ATP12A: variants seen among roughly 807,000 people sequenced by gnomAD.
ATP12A encodes potassium-transporting ATPase alpha chain 2.
In ATP12A, 81 loss-of-function variants were observed where a neutral mutation model predicts 111.2. The ratio of observed to expected loss-of-function variants is 0.73; its 90% CI spans 0.61 to 0.88. The LOEUF (loss-of-function observed/expected upper bound fraction) is 0.88, where lower values mean the gene tolerates loss of function less well. Among genes scored for constraint, ATP12A ranks in the 40% least tolerant of loss-of-function variants. The pLI, the probability that ATP12A is intolerant of heterozygous loss-of-function variation, is 0.00. For synonymous variants in ATP12A, 498 were observed against 499.8 expected, an observed-to-expected ratio of 1.00 and a Z score of 0.05; for missense variants, 1,196 against 1,313.1, an observed-to-expected ratio of 0.91 and a Z score of 1.38.
At position 24,711,271 on chromosome 13, in the gene ATP12A, AT is replaced by A; in HGVS notation, c.3000-46del. 3 of 1,538,812 alleles carry A rather than the reference AT, an allele frequency of 1.9e-6. No homozygotes were observed. In the Middle Eastern group the frequency reaches 6.8e-4, roughly 350 times the overall value. On this transcript the variant is annotated intron_variant, in intron 21 of 22. Coordinates refer to ENST00000381946, the MANE Select transcript of ATP12A (RefSeq NM_001676.7). ...CATTCCCATTGGGCAGGGTTGGGCT[AT>A]CCCTGTGGATGAGTCAGGGTTCACT...
At position 24,689,324 on chromosome 13, in the gene ATP12A, A is replaced by G; in HGVS notation, c.495A>G (p.Gln165=). The G allele has an allele frequency of 6.2e-7, 1 of 1,614,084 alleles. No individual in the cohort carries two copies. The highest frequency in any genetic ancestry group is 2.2e-5 in the East Asian group (1 of 44,866). ...VILTGIFAYY[Q]EAKSTNIMSS... ...TAACGGGGATCTTTGCTTATTACCA[A>G]GAGGCAAAAAGCACCAACATCATGT... The change falls in exon 5 of 23, where the codon CAA becomes CAG. Residue 165 remains glutamine, a synonymous_variant. Coordinates refer to ENST00000381946, the MANE Select transcript of ATP12A (RefSeq NM_001676.7).
chr13:24,687,219 G>A (rs2137692208), intron 3 of ATP12A, among the ~76,000 whole-genome samples: 1 of 152,254 alleles, frequency 6.6e-6, no homozygotes. Flanking sequence ...ATAGCACTTT[G>A]GGAGGCCAAG....
rs748543831 is a variant in ATP12A at position 24,681,699 on chromosome 13, G to A, written c.147G>A (p.Glu49=). The change falls in exon 2 of 23, where the codon GAG becomes GAA. Residue 49 remains glutamate, a synonymous_variant. Coordinates refer to ENST00000381946, the MANE Select transcript of ATP12A (RefSeq NM_001676.7). ...LELKKKNHKE[E]FQKELHLDDH... The stretch of plus-strand genomic sequence containing the variant: ...TCAAAAAGAAAAATCACAAAGAGGA[G>A]TTTCAGAAAGAACTCCATCTGGTCA... 3 of 1,614,164 alleles carry A rather than the reference G, an allele frequency of 1.9e-6. No homozygotes were observed. In the South Asian group the frequency reaches 3.3e-5, roughly 18 times the overall value.
At chr13:24,696,103 T>G (rs1181293350) in intron 11 of ATP12A, among the ~76,000 whole-genome samples, 3 of 152,176 alleles carry the variant, frequency 2.0e-5, no homozygotes, top group African/African-American at 4.8e-5. Flanking sequence ...AGGATGAGTA[T>G]TATTATACTA....
In ATP12A at chr13:24,689,289, G is replaced by A. The variant is rs1174321376; in HGVS notation, c.460G>A (p.Val154Met). Reference sequence around the variant, plus strand: ...GTACTTGGGCTGTGTGCTTGGTCTGGTGGTCATTTTAACGGGGATCTTTGC... The same window carrying A: ...GTACTTGGGCTGTGTGCTTGGTCTGATGGTCATTTTAACGGGGATCTTTGC... Reference protein sequence around the residue: ...NVYLGCVLGLVVILTGIFAYY... With the variant: ...NVYLGCVLGLMVILTGIFAYY... Residue 154 changes from valine to methionine, a missense_variant, in exon 5 of 23, where the codon GTG (valine) becomes ATG (methionine). Val to Met is a conservative substitution (Grantham distance 21). Transcript: ENST00000381946. 6.2e-7 allele frequency: 1 copy of A among 1,614,076 alleles called. No homozygotes were observed. Among genetic ancestry groups the A allele is most frequent in the Non-Finnish European group, 8.5e-7 (1 of 1,179,994 alleles).
rs1874830411 is a variant in ATP12A, at chr13:24,690,391, G to T, written c.600G>T (p.Leu200=). 2 of 1,613,502 alleles carry T rather than the reference G, an allele frequency of 1.2e-6. No individual in the cohort carries two copies. Among genetic ancestry groups the T allele is most frequent in the East Asian group, 4.5e-5 (2 of 44,854 alleles). The change falls in exon 6 of 23, where the codon CTG becomes CTT. Residue 200 remains leucine, a synonymous_variant. Coordinates refer to ENST00000381946, the MANE Select transcript of ATP12A (RefSeq NM_001676.7). ...SEKKTIPSEQ[L]VVGDIVEVKG... ...AGAAGACCATCCCTTCAGAGCAGCT[G>T]GTGGTGGGGGACATTGTGGAGGTCA...
intron 1 of ATP12A, 115 bp downstream of exon 1, chr13:24,680,867 G>A (rs569593512): frequency 1.2e-4 from 164 of 1,370,900 alleles, no homozygotes; most frequent in Non-Finnish European, 1.5e-4. Context: ...GCCCCGTCCC[G>A]GGGCAAGGGG....
chr13:24,700,802 C>CA lies in ATP12A; in HGVS notation c.1762dup (p.Ile588AsnfsTer47). ...AGTTTCCAGAAACCTACTCATTTGA[C>CA]ATAGACGCTATGAACTTTCCGACCT... On this transcript the variant is annotated frameshift_variant, in exon 13 of 23. Transcript: ENST00000381946. LOFTEE classifies it high-confidence loss of function. 1 of 1,614,138 alleles carries CA rather than the reference C, an allele frequency of 6.2e-7. No individual in the cohort carries two copies. The highest frequency in any genetic ancestry group is 8.5e-7 in the Non-Finnish European group (1 of 1,180,040).
At chr13:24,707,473 C>G (rs773332621) in intron 17 of ATP12A, 40 bp downstream of exon 17, 1 of 1,611,630 alleles carries the variant, frequency 6.2e-7, no homozygotes, top group South Asian at 1.1e-5. Context: ...ATGCCTGCCC[C>G]AGGGGAGGTC....
chr13:24,681,508 AC>A, intron 1 of ATP12A, 53 bp from the exon 2 acceptor site: 1 of 1,583,762 alleles, frequency 6.3e-7, no homozygotes, highest in African/African-American at 1.4e-5. Flanking sequence ...GGCGCTCAGC[AC>A]CTCTTCGGAA....
At position 24,709,384 on chromosome 13, in the gene ATP12A, G is replaced by T; in HGVS notation, c.2514G>T (p.Ala838=). 2 of 1,613,384 alleles carry T rather than the reference G, an allele frequency of 1.2e-6. No homozygotes were observed. The highest frequency in any genetic ancestry group is 1.3e-5 in the African/African-American group (1 of 74,846). ...TCTAGATCCCCTCCATTGCCTTGGC[G>T]TACGAGAAAGCTGAAAGTGACATCA... ...GTDIIPSIAL[A]YEKAESDIMN... The change falls in exon 18 of 23, where the codon GCG becomes GCT. Residue 838 remains alanine, a synonymous_variant. Coordinates refer to ENST00000381946, the MANE Select transcript of ATP12A (RefSeq NM_001676.7).
In ATP12A at chr13:24,685,606, C is replaced by T. The variant is rs907988792; in HGVS notation, c.228+233C>T. 6.6e-5 allele frequency among the ~76,000 whole-genome samples: 10 copies of T among 152,132 alleles called. No individual in the cohort carries two copies. Among genetic ancestry groups the T allele is most frequent in the Non-Finnish European group, 1.3e-4 (9 of 68,016 alleles). Reference sequence around the variant, plus strand: ...GAGAGGGACCAAGAGGGACAGATGACCCCTGGCCTCAAGGAGAAAGTGGCC... The same window carrying T: ...GAGAGGGACCAAGAGGGACAGATGATCCCTGGCCTCAAGGAGAAAGTGGCC... On this transcript the variant is annotated intron_variant, in intron 3 of 22. Transcript: ENST00000381946. The surrounding 1 kb of genome is among the most constrained non-coding windows in gnomAD (Gnocchi z 5.5).
At chr13:24,692,264 TA>T (rs141605569) in intron 8 of ATP12A, among the ~76,000 whole-genome samples, 164 bp from the exon 9 acceptor site, 11,050 of 152,300 alleles carry the variant, frequency 0.073, 532 homozygotes, top group Middle Eastern at 0.12. Flanking sequence ...TGGCGGCGTA[TA>T]AGCCACCAGG....
intron 12 of ATP12A, among the ~76,000 whole-genome samples, chr13:24,700,146 A>T (rs147117979): frequency 3.9e-5 from 6 of 152,300 alleles, no homozygotes; most frequent in Non-Finnish European, 8.8e-5. Flanking sequence ...TCAGCCTATG[A>T]GAGGCTGATG....
rs576318179 is a variant in ATP12A at position 24,707,563 on chromosome 13, C to T, written c.2493+130C>T. 3.3e-6 allele frequency: 4 copies of T among 1,219,022 alleles called. No homozygotes were observed. The South Asian group carries it at 4.4e-5, about 13-fold the overall frequency. 75.5% of individuals were successfully genotyped at this position (1,219,022 alleles called of 1,614,324 possible). On this transcript the variant is annotated intron_variant, in intron 17 of 22. Transcript: ENST00000381946. ...AGCTTCCATGTGATGGGGCCTGTAG[C>T]TCTGCATTTCTCACAGGTTCTCAGG...
Position 24,685,872 on chromosome 13 carries a change from G to A in ATP12A, c.228+499G>A, listed in dbSNP as rs1407867545. Reference sequence around the variant, plus strand: ...GCTTGGAGAGAATCTGGGCTTGCCGGAAGCTAGTATGTGTGGAGAGGGGAC... The same window carrying A: ...GCTTGGAGAGAATCTGGGCTTGCCGAAAGCTAGTATGTGTGGAGAGGGGAC... On this transcript the variant is annotated intron_variant, in intron 3 of 22. Transcript: ENST00000381946. This position sits in a 1 kb window ranked among gnomAD's most constrained non-coding sequence, Gnocchi z 5.5. Among the ~76,000 whole-genome samples the A allele has an allele frequency of 2.0e-4, 31 of 152,220 alleles. No homozygotes were observed. The highest frequency in any genetic ancestry group is 2.0e-3 in the Admixed American group (31 of 15,290).
chr13:24,705,702 C>G (rs1875598024), intron 14 of ATP12A, among the ~76,000 whole-genome samples: 1 of 152,132 alleles, frequency 6.6e-6, no homozygotes, highest in Admixed American at 6.5e-5. Context: ...CAGGGTCTCA[C>G]TTTGTCACCC....
chr13:24,696,685 G>A lies in ATP12A; in HGVS notation c.1513-1973G>A, dbSNP rs1180761322. Among the ~76,000 whole-genome samples, 6 of 112,516 alleles carry A rather than the reference G, an allele frequency of 5.3e-5. 1 individual carries two copies. The highest frequency in any genetic ancestry group is 1.9e-4 in the African/African-American group (6 of 31,982). 73.8% of individuals were successfully genotyped at this position (112,516 alleles called of 152,430 possible). A position where few individuals can be genotyped will look rare whatever the true frequency, so the allele number is the denominator to read the frequency against. On this transcript the variant is annotated intron_variant, in intron 11 of 22. Coordinates refer to ENST00000381946, the MANE Select transcript of ATP12A (RefSeq NM_001676.7). ...CGAGATTGCGCCACTGCAGTCCGCAGTCCGGCCTGGGCGACAGAGCGAGAC... is the reference window on the plus strand; with the variant it reads ...CGAGATTGCGCCACTGCAGTCCGCAATCCGGCCTGGGCGACAGAGCGAGAC...
rs778481343 is a variant in ATP12A, at chr13:24,709,669, T to C, written c.2618-14T>C. 16 of 1,613,816 alleles carry C rather than the reference T, an allele frequency of 9.9e-6. No individual in the cohort carries two copies. In the Admixed American group the frequency reaches 2.7e-4, roughly 27 times the overall value. ...CATCATAGAACCTGTGTCCTATCTC[T>C]CTTGTTCTTTCAGGCCTCATGCAAG... On this transcript the variant is annotated splice_polypyrimidine_tract_variant and intron_variant, in intron 18 of 22. Coordinates refer to ENST00000381946, the MANE Select transcript of ATP12A (RefSeq NM_001676.7).
Sources: allele counts gnomAD v4.1 joint callset (sites outside exome capture counted in the v4.1 genomes callset), GRCh38; gene constraint gnomAD v4.1.1; non-coding constraint Gnocchi (gnomAD v3.1); transcripts MANE v1.5; gene names NCBI Gene and HGNC (gene_info 2026-07-23, HGNC 2026-07-21).